Variants in TNRC6B observed in about 807,000 individuals in gnomAD.
The protein encoded by TNRC6B is trinucleotide repeat containing adaptor 6B.
In TNRC6B, 52 loss-of-function variants were observed where a neutral mutation model predicts 203.6. The observed-to-expected ratio is 0.26, with a 90% confidence interval of 0.20 to 0.32. The LOEUF (loss-of-function observed/expected upper bound fraction) is 0.32. TNRC6B is among the 10% of genes least tolerant of loss of function. The pLI, the probability that TNRC6B is intolerant of heterozygous loss-of-function variation, is 1.00. For synonymous variants in TNRC6B, 838 were observed against 845.7 expected (o/e 0.99, Z 0.16); for missense variants, 1,923 against 2,286.2 (o/e 0.84, Z 3.24).
upstream of TNRC6B, among the ~76,000 whole-genome samples, chr22:40,172,934 GTTTA>G (rs1238608977): frequency 2.0e-5 from 3 of 151,980 alleles, no homozygotes; most frequent in East Asian, 5.8e-4. Flanking sequence ...TAATCTTCAA[GTTTA>G]TTTATGTAAA....
At chr22:40,290,669 AC>A (rs1195816610) in intron 12 of TNRC6B, among the ~76,000 whole-genome samples, 2 of 137,346 alleles carry the variant, frequency 1.5e-5, no homozygotes, top group Non-Finnish European at 3.1e-5. Flanking sequence ...TCACTCCCCC[AC>A]CCCCCGACCC....
intron 12 of TNRC6B, among the ~76,000 whole-genome samples, chr22:40,290,675 C>T (rs984492233): frequency 2.6e-5 from 4 of 152,114 alleles, no homozygotes; most frequent in African/African-American, 4.8e-5. Flanking sequence ...CCCCACCCCC[C>T]GACCCGCTTG....
At chr22:40,106,095 G>T (rs2068280496) in intron 1 of TNRC6B, among the ~76,000 whole-genome samples, 1 of 152,008 alleles carries the variant, frequency 6.6e-6, no homozygotes, top group Non-Finnish European at 1.5e-5. Context: ...ATCGTTTGAT[G>T]ACATGTTTCA....
chr22:40,230,663 G>T (rs939504765), intron 1 of TNRC6B, among the ~76,000 whole-genome samples: 1 of 151,988 alleles, frequency 6.6e-6, no homozygotes, highest in Non-Finnish European at 1.5e-5. Flanking sequence ...TAAGTGATTT[G>T]CAGATAACTT....
chr22:40,241,168 T>A (rs2070023462), intron 1 of TNRC6B, among the ~76,000 whole-genome samples: 1 of 152,228 alleles, frequency 6.6e-6, no homozygotes, highest in Non-Finnish European at 1.5e-5. Context: ...AGAGTTTGAA[T>A]CTGTATGATT....
At chr22:40,191,562 T>C (rs972010957) in intron 1 of TNRC6B, among the ~76,000 whole-genome samples, 2 of 152,172 alleles carry the variant, frequency 1.3e-5, no homozygotes, top group Admixed American at 1.3e-4. Flanking sequence ...ATTGGTTTTG[T>C]ATTCTAAGAA....
chr22:40,149,450 C>G (rs865804047), intron 3 of TNRC6B, among the ~76,000 whole-genome samples: 2 of 151,974 alleles, frequency 1.3e-5, no homozygotes, highest in Non-Finnish European at 2.9e-5. Context: ...GGGCAAATCA[C>G]GAGGTCAGGA....
intron 9 of TNRC6B, among the ~76,000 whole-genome samples, chr22:40,278,473 G>A (rs895009772): frequency 1.3e-4 from 19 of 151,612 alleles, no homozygotes; most frequent in African/African-American, 3.9e-4. Context: ...CAGGAGAATG[G>A]CGTGAACCCA....
At position 40,178,685 on chromosome 22, in the gene TNRC6B, G is replaced by A. The variant is rs866149575; in HGVS notation, c.5+545G>A. Among the ~76,000 whole-genome samples, 3 of 152,232 alleles carry A rather than the reference G, an allele frequency of 2.0e-5. No homozygotes were observed. The Middle Eastern group carries it at 0.01, about 518-fold the overall frequency. On this transcript the variant is annotated intron_variant, in intron 1 of 22. Coordinates refer to ENST00000454349, the MANE Select transcript of TNRC6B (RefSeq NM_001162501.2). ...AATACATTTTAAACATCAGGTTGGG[G>A]GCGGGTGAACACCAGGAGGTTTGGG...
At position 40,333,802 on chromosome 22, in the gene TNRC6B, A is replaced by G. The variant is rs758285486; in HGVS notation, c.*10561A>G. 9 of 152,642 alleles carry G rather than the reference A, an allele frequency of 5.9e-5. No homozygotes were observed. Among genetic ancestry groups the G allele is most frequent in the Non-Finnish European group, 1.0e-4 (7 of 68,044 alleles). 9.5% of individuals were successfully genotyped at this position (152,642 alleles called of 1,614,324 possible). ...GAAATGCTTTTAACAAATGCTGCTC[A>G]TGTGGATCTGTCAGCTATTGCTTGC... On this transcript the variant is annotated 3_prime_UTR_variant, in exon 23 of 23. Transcript: ENST00000454349.
intron 1 of TNRC6B, among the ~76,000 whole-genome samples, chr22:40,233,970 G>A (rs143450380): frequency 1.3e-5 from 2 of 152,246 alleles, no homozygotes; most frequent in Non-Finnish European, 2.9e-5. Flanking sequence ...CAAAGGCTAC[G>A]CTACACGAGT....
At chr22:40,104,667 G>A (rs1289758739) in intron 1 of TNRC6B, among the ~76,000 whole-genome samples, 1 of 152,218 alleles carries the variant, frequency 6.6e-6, no homozygotes, top group Non-Finnish European at 1.5e-5. Flanking sequence ...GAACCCAGAA[G>A]CAGAGGATCT....
intron 12 of TNRC6B, among the ~76,000 whole-genome samples, chr22:40,293,468 C>T (rs963796953): frequency 1.3e-5 from 2 of 152,038 alleles, no homozygotes; most frequent in Non-Finnish European, 2.9e-5. Context: ...GCTGGAGTTA[C>T]AGGCATGAGC....
rs775702336 is a variant in TNRC6B, at chr22:40,265,855, A to G, written c.1625A>G (p.Lys542Arg). Residue 542 changes from lysine (K) to arginine (R), a missense_variant, in exon 5 of 23, where the codon AAG (lysine) becomes AGG (arginine). By Grantham distance (26) the Lys-to-Arg change is conservative (BLOSUM62 2). Coordinates refer to ENST00000454349, the MANE Select transcript of TNRC6B (RefSeq NM_001162501.2). ...NSSTGAWDNQ[K>R]GHPLPENQGN... ...AGCACTGGAGCATGGGACAATCAAA[A>G]GGGCCACCCCCTCCCTGAAAACCAA... 6.2e-7 allele frequency: 1 copy of G among 1,614,010 alleles called. No homozygotes were observed.
At chr22:40,214,622 T>C (rs1332342157) in intron 1 of TNRC6B, among the ~76,000 whole-genome samples, 1 of 151,938 alleles carries the variant, frequency 6.6e-6, no homozygotes, top group Non-Finnish European at 1.5e-5. Flanking sequence ...TGCAGTGGCA[T>C]GATCATAGCT....
intron 12 of TNRC6B, among the ~76,000 whole-genome samples, chr22:40,290,711 C>A (rs945217057): frequency 1.3e-5 from 2 of 152,120 alleles, no homozygotes; most frequent in Admixed American, 6.5e-5. Context: ...CCCTCTCTGC[C>A]CCGCGCCTAG....
At position 40,328,928 on chromosome 22, in the gene TNRC6B, T is replaced by A. The variant is rs1201853824; in HGVS notation, c.*5687T>A. 1.3e-5 allele frequency: 2 copies of A among 152,486 alleles called. No homozygotes were observed. Among genetic ancestry groups the A allele is most frequent in the Non-Finnish European group, 2.9e-5 (2 of 68,008 alleles). The allele number at this position is 152,486 out of a possible 1,614,324, so 9.4% of individuals were successfully genotyped here. On this transcript the variant is annotated 3_prime_UTR_variant, in exon 23 of 23. Coordinates refer to ENST00000454349, the MANE Select transcript of TNRC6B (RefSeq NM_001162501.2). ...AGAAGTGAGATAAATTTTTCGCTGGTTAAAAAAAATCAAACTTTCCTCTGC... is the reference window on the plus strand; with the variant it reads ...AGAAGTGAGATAAATTTTTCGCTGGATAAAAAAAATCAAACTTTCCTCTGC...
Position 40,268,691 on chromosome 22 carries a change from C to A in TNRC6B, c.2807-1431C>A, listed in dbSNP as rs547981839. On this transcript the variant is annotated intron_variant, in intron 5 of 22. Transcript: ENST00000454349. ...CTTTGGGAGGCCGAGGCGGACAGATCATGAGGTCAGGAGATCGAGACCATC... is the reference window on the plus strand; with the variant it reads ...CTTTGGGAGGCCGAGGCGGACAGATAATGAGGTCAGGAGATCGAGACCATC... 9.6e-4 allele frequency among the ~76,000 whole-genome samples: 146 copies of A among 152,000 alleles called. 1 individual carries two copies. The highest frequency in any genetic ancestry group is 9.7e-4 in the East Asian group (5 of 5,130).
chr22:40,303,518 A>T (rs1199144048), intron 15 of TNRC6B, among the ~76,000 whole-genome samples: 1 of 152,208 alleles, frequency 6.6e-6, no homozygotes, highest in African/African-American at 2.4e-5. Flanking sequence ...TTGTTAACTT[A>T]TTAAATAATA....
Sources: allele counts gnomAD v4.1 joint callset (sites outside exome capture counted in the v4.1 genomes callset), GRCh38; gene constraint gnomAD v4.1.1; transcripts MANE v1.5; gene names NCBI Gene and HGNC (gene_info 2026-07-23, HGNC 2026-07-21).